The following CCDC68 variants were observed in gnomAD, a reference collection of about 807,000 sequenced individuals.
The protein encoded by CCDC68 is coiled-coil domain-containing protein 68.
CCDC68 carries 45 observed loss-of-function variants against 47.1 expected under a neutral mutation model. The ratio of observed to expected loss-of-function variants is 0.96; its 90% CI spans 0.75 to 1.23. The LOEUF (loss-of-function observed/expected upper bound fraction) is 1.23. CCDC68 is among the 50% of genes most tolerant of loss of function. The pLI is 0.00. For synonymous variants in CCDC68, 131 were observed against 129.5 expected, an observed-to-expected ratio of 1.01 and a Z score of -0.08; for missense variants, 353 against 373.6, an observed-to-expected ratio of 0.94 and a Z score of 0.45.
At chr18:54,922,306 C>T (rs2044074476) in intron 8 of CCDC68, among the ~76,000 whole-genome samples, 1 of 152,094 alleles carries the variant, frequency 6.6e-6, no homozygotes, top group African/African-American at 2.4e-5. Context: ...CAAGGTGAGA[C>T]CAGACTTTGG....
chr18:54,919,674 C>T (rs749084669), intron 8 of CCDC68, among the ~76,000 whole-genome samples: 1 of 152,334 alleles, frequency 6.6e-6, no homozygotes, highest in South Asian at 2.1e-4. Flanking sequence ...CGATAAAGCA[C>T]TTATACGCTA....
At chr18:54,912,736 G>A (rs1340012612) in intron 10 of CCDC68, among the ~76,000 whole-genome samples, 5 of 152,144 alleles carry the variant, frequency 3.3e-5, no homozygotes, top group African/African-American at 7.2e-5. Flanking sequence ...AAGGAAAGAC[G>A]TTTAATGGAC....
At chr18:54,929,521 C>T (rs749421663) in intron 7 of CCDC68, among the ~76,000 whole-genome samples, 3 of 152,086 alleles carry the variant, frequency 2.0e-5, no homozygotes, top group Admixed American at 6.5e-5. Flanking sequence ...CCATGAAAAA[C>T]GAAGCTGAGA....
At chr18:54,919,664 C>T (rs1273332412) in intron 8 of CCDC68, among the ~76,000 whole-genome samples, 5 of 152,160 alleles carry the variant, frequency 3.3e-5, no homozygotes, top group African/African-American at 9.7e-5. Flanking sequence ...ATATTCAGTA[C>T]GATAAAGCAC....
Position 54,949,825 on chromosome 18 carries a change from T to C in CCDC68, c.-102-4348A>G, listed in dbSNP as rs71368984. Among the ~76,000 whole-genome samples the C allele has an allele frequency of 6.6e-4, 100 of 152,298 alleles. 1 individual carries two copies. Among genetic ancestry groups the C allele is most frequent in the South Asian group, 6.0e-3 (29 of 4,826 alleles). On this transcript the variant is annotated intron_variant, in intron 1 of 11. Coordinates refer to ENST00000591504, the MANE Select transcript of CCDC68 (RefSeq NM_025214.3). Reference sequence around the variant, plus strand: ...GCAACTCAGGGAATGGCCATCTGGCTGGTTGGAGCTGGAGGCAGTGGAAAT... The same window carrying C: ...GCAACTCAGGGAATGGCCATCTGGCCGGTTGGAGCTGGAGGCAGTGGAAAT...
At chr18:54,948,768 G>C (rs1299177403) in intron 1 of CCDC68, among the ~76,000 whole-genome samples, 2 of 152,182 alleles carry the variant, frequency 1.3e-5, no homozygotes, top group African/African-American at 2.4e-5. Context: ...AAGGGAGGCT[G>C]TGATGAGTGA....
chr18:54,945,043 C>T (rs973151645), intron 2 of CCDC68, among the ~76,000 whole-genome samples: 4 of 152,154 alleles, frequency 2.6e-5, no homozygotes, highest in African/African-American at 9.7e-5. Context: ...ATAATTGTGA[C>T]ATTCTTTAAA....
chr18:54,952,667 A>G (rs1229743171), intron 1 of CCDC68, among the ~76,000 whole-genome samples: 2 of 152,218 alleles, frequency 1.3e-5, no homozygotes, highest in African/African-American at 4.8e-5. Flanking sequence ...CATAATTGCC[A>G]AACACTGCAA....
At chr18:54,921,652 C>A (rs116064957) in intron 8 of CCDC68, among the ~76,000 whole-genome samples, 131 of 152,332 alleles carry the variant, frequency 8.6e-4, no homozygotes, top group African/African-American at 3.1e-3. Context: ...ACGCGTCAAG[C>A]GTGCTACTCT....
At chr18:54,911,697 C>T (rs1411468560) in intron 10 of CCDC68, among the ~76,000 whole-genome samples, 1 of 152,148 alleles carries the variant, frequency 6.6e-6, no homozygotes, top group Non-Finnish European at 1.5e-5. Context: ...CTTGACAAAG[C>T]AATTTGAAAC....
chr18:54,956,210 G>A lies in CCDC68; in HGVS notation c.-103+3126C>T, dbSNP rs183825129. Among the ~76,000 whole-genome samples the A allele has an allele frequency of 4.8e-3, 732 of 152,238 alleles. 2 individuals carry two copies. The highest frequency in any genetic ancestry group is 7.2e-3 in the Non-Finnish European group (490 of 68,012). The stretch of plus-strand genomic sequence containing the variant: ...TCACCATGTTGGTCAGGCTGGTCTC[G>A]AATTCCTGACCTCGTGATCTGCCCA... On this transcript the variant is annotated intron_variant, in intron 1 of 11. Transcript: ENST00000591504.
intron 10 of CCDC68, among the ~76,000 whole-genome samples, chr18:54,908,219 A>G (rs1295578802): frequency 6.6e-6 from 1 of 152,220 alleles, no homozygotes; most frequent in Non-Finnish European, 1.5e-5. Context: ...TATCAATCAC[A>G]TGTTCGTCTT....
intron 10 of CCDC68, among the ~76,000 whole-genome samples, chr18:54,915,559 A>G (rs1413233426): frequency 6.6e-6 from 1 of 152,214 alleles, no homozygotes; most frequent in East Asian, 1.9e-4. Flanking sequence ...TACTTTTATC[A>G]GTGATTTTCT....
At chr18:54,933,074 T>C (rs547438822) in intron 7 of CCDC68, among the ~76,000 whole-genome samples, 4 of 152,124 alleles carry the variant, frequency 2.6e-5, no homozygotes, top group Non-Finnish European at 5.9e-5. Context: ...AAATAGAAAT[T>C]ATCTTCCACT....
chr18:54,946,283 C>T (rs1029785393), intron 1 of CCDC68, among the ~76,000 whole-genome samples: 8 of 152,144 alleles, frequency 5.3e-5, no homozygotes, highest in Admixed American at 3.9e-4. Flanking sequence ...AGAGAAAGTA[C>T]GTGGCAGGCA....
intron 1 of CCDC68, among the ~76,000 whole-genome samples, chr18:54,947,938 C>T (rs890224406): frequency 2.6e-5 from 4 of 152,188 alleles, no homozygotes; most frequent in African/African-American, 9.7e-5. Flanking sequence ...TTACAATCTA[C>T]AAAGCAATGC....
chr18:54,928,807 C>A lies in CCDC68; in HGVS notation c.676G>T (p.Gly226Ter). 1 of 1,608,566 alleles carries A rather than the reference C, an allele frequency of 6.2e-7. No homozygotes were observed. Among genetic ancestry groups the A allele is most frequent in the South Asian group, 1.1e-5 (1 of 90,828 alleles). ...LLQLKSSATYGKSCQDLQREI... is the reference protein window; with the variant it reads ...LLQLKSSATY ...ACAGGTAGCTTCACAAACCTTTTTCCATATGTAGCACTGGATTTGAGTTGC... is the reference window on the plus strand; with the variant it reads ...ACAGGTAGCTTCACAAACCTTTTTCAATATGTAGCACTGGATTTGAGTTGC... The change falls in exon 8 of 12, where the codon GGA becomes TGA. Residue 226 changes from glycine (G) to a stop codon, truncating the protein, a stop_gained. Coordinates refer to ENST00000591504, the MANE Select transcript of CCDC68 (RefSeq NM_025214.3). LOFTEE classifies it high-confidence loss of function.
At chr18:54,904,586 A>C (rs914600581) in intron 11 of CCDC68, among the ~76,000 whole-genome samples, 171 bp from the exon 12 acceptor site, 1 of 152,238 alleles carries the variant, frequency 6.6e-6, no homozygotes, top group East Asian at 1.9e-4. Context: ...CATGATATAC[A>C]GTAGAATCGC....
At position 54,907,872 on chromosome 18, in the gene CCDC68, A is replaced by G. The variant is rs1250714646; in HGVS notation, c.874-10T>C. On this transcript the variant is annotated splice_polypyrimidine_tract_variant and intron_variant, in intron 10 of 11. Coordinates refer to ENST00000591504, the MANE Select transcript of CCDC68 (RefSeq NM_025214.3). ...TTTTTAGTTCTTTATTCTAAAATTG[A>G]AAAAAAATGCAGACGTCAAATAGCT... is the stretch of plus-strand genomic sequence containing the variant. The G allele has an allele frequency of 2.0e-6, 3 of 1,499,880 alleles. No individual in the cohort carries two copies. The highest frequency in any genetic ancestry group is 1.7e-5 in the Admixed American group (1 of 59,586). 92.9% of individuals were successfully genotyped at this position (1,499,880 alleles called of 1,614,324 possible).
Sources: gnomAD v4.1 joint callset for allele counts (sites outside exome capture counted in the v4.1 genomes callset) on GRCh38, gnomAD v4.1.1 for gene constraint, MANE v1.5 for transcripts, NCBI Gene and HGNC (gene_info 2026-07-23, HGNC 2026-07-21) for gene names.